Variants in HMCN2 observed in about 807,000 individuals in gnomAD.
HMCN2 encodes hemicentin 2, also known as hemicentin-2.
In HMCN2, 325 loss-of-function variants were observed where a neutral mutation model predicts 377.5. The observed-to-expected ratio is 0.86, with a 90% CI of 0.79 to 0.94. HMCN2 has a LOEUF of 0.94. Ranked by LOEUF, HMCN2 falls within the 40% of genes least tolerant of loss-of-function variation. The pLI is 0.00. For missense variants in HMCN2, 4,543 were observed against 4,725.3 expected (o/e 0.96, Z 1.13); for synonymous variants, 2,007 against 2,046.8 (o/e 0.98, Z 0.53).
chr9:130,401,879 G>T (rs1435869325), intron 77 of HMCN2, among the ~76,000 whole-genome samples: 1 of 152,024 alleles, frequency 6.6e-6, no homozygotes, highest in African/African-American at 2.4e-5. Context: ...TTTGAGACCA[G>T]CCTGGGCAAC....
chr9:130,363,562 C>G (rs1476096840), intron 40 of HMCN2, among the ~76,000 whole-genome samples: 2 of 152,096 alleles, frequency 1.3e-5, no homozygotes, highest in African/African-American at 4.8e-5. Flanking sequence ...TGGCTCACGC[C>G]TGTAATCCCA....
At chr9:130,395,441 A>AG (rs1842563742) in intron 71 of HMCN2, 94 bp downstream of exon 71, 7 of 1,101,308 alleles carry the variant, frequency 6.4e-6, no homozygotes, top group Non-Finnish European at 8.2e-6. Context: ...GCGGGTGCCA[A>AG]GGGCCCGCTC....
At chr9:130,387,893 A>G (rs556947406) in intron 61 of HMCN2, among the ~76,000 whole-genome samples, 1 of 152,240 alleles carries the variant, frequency 6.6e-6, no homozygotes, top group Non-Finnish European at 1.5e-5. Context: ...ACTGGGCGAC[A>G]TAGTGAGAAG....
rs1300376358 is a variant in HMCN2, at chr9:130,294,112, C to T, written c.613-743C>T. Among the ~76,000 whole-genome samples, 4 of 152,028 alleles carry T rather than the reference C, an allele frequency of 2.6e-5. No individual in the cohort carries two copies. The East Asian group carries it at 7.7e-4, about 29-fold the overall frequency. ...AGGCCATGGTCAGGATTTGGAGAAA[C>T]TAAATAAGTTTGTGCTCAGTTTGTG... On this transcript the variant is annotated intron_variant, in intron 4 of 97. Coordinates refer to ENST00000683500, the MANE Select transcript of HMCN2 (RefSeq NM_001291815.2).
At chr9:130,274,882 A>G (rs1834601257) in intron 1 of HMCN2, among the ~76,000 whole-genome samples, 1 of 152,182 alleles carries the variant, frequency 6.6e-6, no homozygotes, top group Non-Finnish European at 1.5e-5. Context: ...TTACCCACCC[A>G]TCCCCCTACT....
In HMCN2 at chr9:130,361,924, C is replaced by G. The variant is rs896506970; in HGVS notation, c.5951-84C>G. 2 of 905,774 alleles carry G rather than the reference C, an allele frequency of 2.2e-6. No homozygotes were observed. Among genetic ancestry groups the G allele is most frequent in the African/African-American group, 3.6e-5 (2 of 55,634 alleles). The allele number at this position is 905,774 out of a possible 1,614,324, so 56.1% of individuals were successfully genotyped here. A position where few individuals can be genotyped will look rare whatever the true frequency, so the allele number is the denominator to read the frequency against. ...TGTGCTTTTGCTGTGGCTGTGTGCT[C>G]CTGCAGGGGTGCCCAGCCAGGGGCC... On this transcript the variant is annotated intron_variant, in intron 38 of 97. Transcript: ENST00000683500. This position sits in a 1 kb window ranked among gnomAD's most constrained non-coding sequence, Gnocchi z 4.8.
At position 130,404,859 on chromosome 9, in the gene HMCN2, C is replaced by T. The variant is rs1843015371; in HGVS notation, c.12149-10C>T. ...GCCCCGGTTCCGAGTGGGCCTCCCT[C>T]TGCCCGCAGTCCCACCAGTGATCGA... is the stretch of plus-strand genomic sequence containing the variant. On this transcript the variant is annotated splice_polypyrimidine_tract_variant and intron_variant, in intron 80 of 97. Transcript: ENST00000683500. 3 of 1,231,520 alleles carry T rather than the reference C, an allele frequency of 2.4e-6. No individual in the cohort carries two copies. Among genetic ancestry groups the T allele is most frequent in the African/African-American group, 3.1e-5 (2 of 64,066 alleles). 76.3% of individuals were successfully genotyped at this position (1,231,520 alleles called of 1,614,324 possible). A position where few individuals can be genotyped will look rare whatever the true frequency, so the allele number is the denominator to read the frequency against.
At chr9:130,426,622 G>T (rs1198530802) in intron 90 of HMCN2, among the ~76,000 whole-genome samples, 1 of 152,216 alleles carries the variant, frequency 6.6e-6, no homozygotes, top group Non-Finnish European at 1.5e-5. Context: ...GCCTCATCAA[G>T]GCTGGCTGTC....
intron 19 of HMCN2, among the ~76,000 whole-genome samples, chr9:130,323,748 G>A (rs1837973479): frequency 6.6e-6 from 1 of 152,010 alleles, no homozygotes; most frequent in Non-Finnish European, 1.5e-5. Context: ...TGTTGCCCAG[G>A]CTGGAGTGCA....
Position 130,403,820 on chromosome 9 carries a change from C to T in HMCN2, c.12093C>T (p.Cys4031=). ...CAGAGGATGCTGGAAACTATCTCTG[C>T]ATCGCTAAGAACAGTGCGGGCAGTG... ...ASPEDAGNYL[C]IAKNSAGSAM... is the part of the protein sequence containing the mutation. The change falls in exon 80 of 98, where the codon TGC becomes TGT. Residue 4031 remains cysteine (C), a synonymous_variant. Transcript: ENST00000683500. The T allele has an allele frequency of 1.6e-6, 2 of 1,289,820 alleles. No homozygotes were observed. The highest frequency in any genetic ancestry group is 2.0e-6 in the Non-Finnish European group (2 of 988,864). The allele number at this position is 1,289,820 out of a possible 1,614,324, so 79.9% of individuals were successfully genotyped here. A position where few individuals can be genotyped will look rare whatever the true frequency, so the allele number is the denominator to read the frequency against.
rs1842449751 is a variant in HMCN2, at chr9:130,393,722, C to T, written c.10235-20C>T. The T allele has an allele frequency of 1.6e-6, 2 of 1,214,014 alleles. No individual in the cohort carries two copies. The highest frequency in any genetic ancestry group is 1.5e-5 in the South Asian group (1 of 68,384). The allele number at this position is 1,214,014 out of a possible 1,614,324, so 75.2% of individuals were successfully genotyped here. A position where few individuals can be genotyped will look rare whatever the true frequency, so the allele number is the denominator to read the frequency against. ...GTCCTGGAATAAAATGGTTCCTGCC[C>T]ACCTTTCTGCCCTCCATAGTGCCCC... On this transcript the variant is annotated intron_variant, in intron 67 of 97. Coordinates refer to ENST00000683500, the MANE Select transcript of HMCN2 (RefSeq NM_001291815.2). The surrounding 1 kb of genome is among the most constrained non-coding windows in gnomAD (Gnocchi z 5.2).
intron 15 of HMCN2, among the ~76,000 whole-genome samples, chr9:130,310,621 G>A (rs1554938817): frequency 2.6e-5 from 4 of 151,550 alleles, no homozygotes; most frequent in East Asian, 2.0e-4. Flanking sequence ...GGAGGCGGGG[G>A]CTACCCATGG....
At chr9:130,309,561 G>A (rs1317251927) in intron 14 of HMCN2, among the ~76,000 whole-genome samples, 2 of 151,354 alleles carry the variant, frequency 1.3e-5, no homozygotes, top group South Asian at 2.1e-4. Flanking sequence ...AAATGATGGC[G>A]GGCTCAGGGC....
At chr9:130,299,808 C>A (rs995888260) in intron 8 of HMCN2, among the ~76,000 whole-genome samples, 1 of 149,740 alleles carries the variant, frequency 6.7e-6, no homozygotes, top group South Asian at 2.2e-4. Context: ...CCCATCCATT[C>A]ATGCATGCAT....
At chr9:130,301,300 A>T (rs1836494130) in intron 8 of HMCN2, among the ~76,000 whole-genome samples, 1 of 152,254 alleles carries the variant, frequency 6.6e-6, no homozygotes, top group South Asian at 2.1e-4. Flanking sequence ...CAGCAGAGGG[A>T]ATAACAGCCT....
intron 25 of HMCN2, among the ~76,000 whole-genome samples, chr9:130,345,684 T>C (rs1839356755): frequency 6.6e-6 from 1 of 151,840 alleles, no homozygotes; most frequent in Admixed American, 6.6e-5. Flanking sequence ...TAGCAGCCCC[T>C]GGCGGTGGGA....
Position 130,384,730 on chromosome 9 carries a change from G to T in HMCN2, c.9038G>T (p.Gly3013Val), listed in dbSNP as rs1189836870. The T allele has an allele frequency of 1.5e-6, 2 of 1,302,812 alleles. No homozygotes were observed. The highest frequency in any genetic ancestry group is 4.6e-5 in the Admixed American group (2 of 43,576). The allele number at this position is 1,302,812 out of a possible 1,614,324, so 80.7% of individuals were successfully genotyped here. A position where few individuals can be genotyped will look rare whatever the true frequency, so the allele number is the denominator to read the frequency against. ...GGGAGAGCACGGCTGTCGGACTCCG[G>T]GATGTACACATGCGAAGCCCTCAAT... is the stretch of plus-strand genomic sequence containing the variant. ...QLGRARLSDS[G>V]MYTCEALNAA... Residue 3013 changes from glycine to valine, a missense_variant, in exon 59 of 98, where the codon GGG (glycine) becomes GTG (valine). Around this residue, in one of 5 missense-constraint regions of HMCN2, gnomAD observed 736 missense variants for 773.2 expected, o/e 0.95. Transcript: ENST00000683500.
rs71499233 is a variant in HMCN2 at position 130,354,856 on chromosome 9, AC to A, written c.4961del (p.Pro1654ArgfsTer29). On this transcript the variant is annotated frameshift_variant, in exon 32 of 98. Transcript: ENST00000683500. LOFTEE classifies it high-confidence loss of function. ...PVALECVARG[H>X]PSPTLSWHHE... is the part of the protein sequence containing the mutation. ...GCGCTGGAGTGCGTGGCCAGAGGCC[AC>A]CCGTCCCCCACCCTCTCCTGGCACC... 1 of 1,303,858 alleles carries A rather than the reference AC, an allele frequency of 7.7e-7. No individual in the cohort carries two copies. The highest frequency in any genetic ancestry group is 1.5e-5 in the African/African-American group (1 of 65,796). The allele number at this position is 1,303,858 out of a possible 1,614,324, so 80.8% of individuals were successfully genotyped here.
intron 8 of HMCN2, among the ~76,000 whole-genome samples, chr9:130,299,832 C>T (rs1397700482): frequency 6.6e-6 from 1 of 150,802 alleles, no homozygotes; most frequent in Admixed American, 6.6e-5. Context: ...CTCACCTATT[C>T]ATCCATCCAC....
Sources: allele counts gnomAD v4.1 joint callset (sites outside exome capture counted in the v4.1 genomes callset), GRCh38; gene constraint gnomAD v4.1.1; regional missense constraint gnomAD v4.1.1; non-coding constraint Gnocchi (gnomAD v3.1); transcripts MANE v1.5; gene names NCBI Gene and HGNC (gene_info 2026-07-23, HGNC 2026-07-21).